The following KCNG2 variants were observed in gnomAD, a reference collection of about 807,000 sequenced individuals.
The protein encoded by KCNG2 is potassium voltage-gated channel modifier subfamily G member 2, also known as voltage-gated potassium channel regulatory subunit KCNG2.
KCNG2 carries 7 observed loss-of-function variants against 12.3 expected under a neutral mutation model. That is an observed-to-expected ratio of 0.57 (90% confidence interval 0.32 to 1.07). The LOEUF is 1.07. Among genes scored for constraint, KCNG2 ranks in the 50% least tolerant of loss-of-function variants. KCNG2 has a pLI of 0.04. For synonymous variants in KCNG2, 414 were observed against 351.4 expected, an observed-to-expected ratio of 1.18 and a Z score of -1.99; for missense variants, 703 against 726.0, an observed-to-expected ratio of 0.97 and a Z score of 0.36.
chr18:79,888,445 G>A lies in KCNG2; in HGVS notation c.625-10595G>A, dbSNP rs1244795714. ...GAGGCCGCGGTGGGGCCGGGACGGC[G>A]GCGTCCTCCTCATGAGGCCGCGGTG... On this transcript the variant is annotated intron_variant, in intron 3 of 3. Transcript: ENST00000316249. Among the ~76,000 whole-genome samples the A allele has an allele frequency of 4.8e-5, 5 of 105,012 alleles. No individual in the cohort carries two copies. In the South Asian group the frequency reaches 8.5e-4, roughly 18 times the overall value. The allele number at this position is 105,012 out of a possible 152,430, so 68.9% of individuals were successfully genotyped here.
chr18:79,880,611 A>G (rs939577317), intron 3 of KCNG2, among the ~76,000 whole-genome samples: 3 of 152,216 alleles, frequency 2.0e-5, no homozygotes, highest in Non-Finnish European at 2.9e-5. Flanking sequence ...CAAGAGGCCA[A>G]TACTCCTCTG....
intron 1 of KCNG2, among the ~76,000 whole-genome samples, chr18:79,802,893 G>A (rs544857388): frequency 2.0e-5 from 3 of 152,282 alleles, no homozygotes; most frequent in East Asian, 3.9e-4. Context: ...AAAAGTTAAC[G>A]CTTGGCTGGG....
intron 3 of KCNG2, among the ~76,000 whole-genome samples, chr18:79,888,406 GGCGTCC>G (rs1980615513): frequency 2.0e-5 from 3 of 149,780 alleles, no homozygotes; most frequent in African/African-American, 7.5e-5. Flanking sequence ...CCGGGACGGC[GGCGTCC>G]TCCTCATGAG....
At chr18:79,846,914 A>C (rs570590668) in intron 1 of KCNG2, among the ~76,000 whole-genome samples, 10 of 152,180 alleles carry the variant, frequency 6.6e-5, no homozygotes, top group Non-Finnish European at 4.4e-5. Context: ...AGTCTTCCTG[A>C]AAGGTGTGTG....
chr18:79,899,870 A>AC lies in KCNG2; in HGVS notation c.*59dup. 7.8e-7 allele frequency: 1 copy of AC among 1,285,772 alleles called. No homozygotes were observed. The highest frequency in any genetic ancestry group is 9.8e-7 in the Non-Finnish European group (1 of 1,017,570). The allele number at this position is 1,285,772 out of a possible 1,614,324, so 79.6% of individuals were successfully genotyped here. ...TGCCCCCTCCAGCTGCAGCGTCGGGACCCCCGAGGTGCGCCAAGGGGTGGG... is the reference window on the plus strand; with the variant it reads ...TGCCCCCTCCAGCTGCAGCGTCGGGACCCCCCGAGGTGCGCCAAGGGGTGGG... On this transcript the variant is annotated 3_prime_UTR_variant, in exon 4 of 4. Transcript: ENST00000316249.
At chr18:79,879,530 G>A (rs748658850) in intron 3 of KCNG2, among the ~76,000 whole-genome samples, 2 of 152,170 alleles carry the variant, frequency 1.3e-5, no homozygotes, top group African/African-American at 4.8e-5. Flanking sequence ...TCTCTCAGAA[G>A]TTAAAAATGG....
rs371790234 is a variant in KCNG2, at chr18:79,800,194, G to T, written c.-115+2180G>T. On this transcript the variant is annotated intron_variant, in intron 1 of 3. Coordinates refer to ENST00000316249, the MANE Select transcript of KCNG2 (RefSeq NM_012283.2). This position sits in a 1 kb window ranked among gnomAD's most constrained non-coding sequence, Gnocchi z 4.0. ...GATGGGGCTGTGCCGACAGGCATGA[G>T]CTCTGGGGGCCGGGAGGGGTGGTAG... 1.3e-5 allele frequency among the ~76,000 whole-genome samples: 2 copies of T among 152,090 alleles called. No individual in the cohort carries two copies. Among genetic ancestry groups the T allele is most frequent in the East Asian group, 3.9e-4 (2 of 5,182 alleles).
At chr18:79,863,104 T>G (rs953489493) in intron 2 of KCNG2, among the ~76,000 whole-genome samples, 3 of 152,240 alleles carry the variant, frequency 2.0e-5, no homozygotes, top group African/African-American at 7.2e-5. Flanking sequence ...AGGGATGGAC[T>G]TTTGGAGCTC....
chr18:79,870,674 G>C (rs998719520), intron 3 of KCNG2, among the ~76,000 whole-genome samples: 1 of 152,206 alleles, frequency 6.6e-6, no homozygotes, highest in South Asian at 2.1e-4. Flanking sequence ...TTGGCTCTGT[G>C]AATTGATTTT....
intron 1 of KCNG2, among the ~76,000 whole-genome samples, chr18:79,846,924 G>A (rs756196143): frequency 1.3e-5 from 2 of 152,190 alleles, no homozygotes; most frequent in Non-Finnish European, 2.9e-5. Context: ...AAAGGTGTGT[G>A]TAGGTCGCAA....
intron 2 of KCNG2, among the ~76,000 whole-genome samples, chr18:79,857,238 T>A (rs911950987): frequency 2.0e-5 from 3 of 149,786 alleles, no homozygotes; most frequent in Non-Finnish European, 3.0e-5. Flanking sequence ...ACCATTTGAA[T>A]CCTGACCACG....
At position 79,803,941 on chromosome 18, in the gene KCNG2, T is replaced by C. The variant is rs1369218759; in HGVS notation, c.-115+5927T>C. ...CTGGCCTGGCCGTGTCACTCCTATCTCACCTTCAGGGAGCTCTAGCCTGCA... is the reference window on the plus strand; with the variant it reads ...CTGGCCTGGCCGTGTCACTCCTATCCCACCTTCAGGGAGCTCTAGCCTGCA... On this transcript the variant is annotated intron_variant, in intron 1 of 3. Transcript: ENST00000316249. The surrounding 1 kb of genome is among the most constrained non-coding windows in gnomAD (Gnocchi z 4.5). Among the ~76,000 whole-genome samples, 1 of 152,186 alleles carries C rather than the reference T, an allele frequency of 6.6e-6. No individual in the cohort carries two copies. The highest frequency in any genetic ancestry group is 1.5e-5 in the Non-Finnish European group (1 of 68,020).
At chr18:79,894,101 A>G in intron 3 of KCNG2, among the ~76,000 whole-genome samples, 1 of 151,206 alleles carries the variant, frequency 6.6e-6, no homozygotes, top group East Asian at 2.0e-4. Context: ...CACGCCATTC[A>G]TAATGATTGA....
intron 1 of KCNG2, among the ~76,000 whole-genome samples, chr18:79,840,500 A>T (rs187121914): frequency 1.8e-4 from 28 of 152,358 alleles, no homozygotes; most frequent in Non-Finnish European, 7.4e-5. Context: ...CATTTATGGA[A>T]TTAGCTTATT....
At chr18:79,851,776 C>CGTGTGTGAATGTGCATTGTGTGAAT (rs1216972879) in intron 1 of KCNG2, among the ~76,000 whole-genome samples, 1 of 146,584 alleles carries the variant, frequency 6.8e-6, no homozygotes. Context: ...ACTGTGAATG[C>CGTGTGTGAATGTGCATTGTGTGAAT]GTGTGTGAAT....
intron 3 of KCNG2, among the ~76,000 whole-genome samples, chr18:79,870,197 T>C (rs4799097): frequency 0.84 from 128,027 of 152,290 alleles, 55,982 homozygotes; most frequent in Non-Finnish European, 0.96. Context: ...GCCCCCCACG[T>C]CGAAGGCGCC....
chr18:79,832,535 C>T (rs1978302166), intron 1 of KCNG2, among the ~76,000 whole-genome samples: 1 of 152,204 alleles, frequency 6.6e-6, no homozygotes, highest in African/African-American at 2.4e-5. Flanking sequence ...TTCTCTTCTA[C>T]TTCCCTCCTC....
intron 1 of KCNG2, among the ~76,000 whole-genome samples, chr18:79,835,482 T>G (rs1048135755): frequency 1.3e-5 from 2 of 152,092 alleles, no homozygotes; most frequent in Admixed American, 1.3e-4. Context: ...GAATAGAAGA[T>G]ATAAAATAAA....
chr18:79,816,966 G>A (rs2087533213), intron 1 of KCNG2, among the ~76,000 whole-genome samples: 2 of 152,254 alleles, frequency 1.3e-5, no homozygotes, highest in South Asian at 2.1e-4. Flanking sequence ...TCACATGGCT[G>A]TCACAAGGCT....
Sources: gnomAD v4.1 joint callset for allele counts (sites outside exome capture counted in the v4.1 genomes callset) on GRCh38, gnomAD v4.1.1 for gene constraint, Gnocchi (gnomAD v3.1) non-coding constraint, MANE v1.5 for transcripts, NCBI Gene and HGNC (gene_info 2026-07-23, HGNC 2026-07-21) for gene names.